ST6GALNAC3: variants seen among roughly 807,000 people sequenced by gnomAD.
ST6GALNAC3 encodes the protein ST6 N-acetylgalactosaminide alpha-2,6-sialyltransferase 3.
Under a neutral mutation model 32.7 loss-of-function variants are expected in ST6GALNAC3, and 25 were observed. The observed-to-expected ratio is 0.76, with a 90% CI of 0.56 to 1.07. The LOEUF is 1.07. Among genes scored for constraint, ST6GALNAC3 ranks in the 50% least tolerant of loss-of-function variants. The probability of loss-of-function intolerance (pLI) is 0.00; values close to 1 mark genes in which losing one functional copy is unlikely to be tolerated. For synonymous variants in ST6GALNAC3, 129 were observed against 133.1 expected (o/e 0.97, Z 0.21); for missense variants, 355 against 382.4 (o/e 0.93, Z 0.60).
rs559733033 is a variant in ST6GALNAC3 at position 76,131,199 on chromosome 1, G to A, written c.18+56315G>A. Among the ~76,000 whole-genome samples, 12 of 152,354 alleles carry A rather than the reference G, an allele frequency of 7.9e-5. No individual in the cohort carries two copies. In the South Asian group the frequency reaches 2.3e-3, roughly 29 times the overall value. ...CAGATGTCCCTGAGAAACTGTACTT[G>A]TTGGGTGGGTCCTTGAATCTTATCT... On this transcript the variant is annotated intron_variant, in intron 1 of 4. Coordinates refer to ENST00000328299, the MANE Select transcript of ST6GALNAC3 (RefSeq NM_152996.4).
chr1:76,284,105 T>G (rs1456310248), intron 1 of ST6GALNAC3, among the ~76,000 whole-genome samples: 1 of 152,222 alleles, frequency 6.6e-6, no homozygotes, highest in Non-Finnish European at 1.5e-5. Context: ...TGCTTTAAAG[T>G]ATTACTACTA....
chr1:76,541,505 G>C (rs1173244303), intron 3 of ST6GALNAC3, among the ~76,000 whole-genome samples: 1 of 152,200 alleles, frequency 6.6e-6, no homozygotes, highest in Non-Finnish European at 1.5e-5. Flanking sequence ...ATTCAAGTAT[G>C]TTATAAACTA....
intron 2 of ST6GALNAC3, among the ~76,000 whole-genome samples, chr1:76,372,145 A>G (rs1650873072): frequency 6.6e-6 from 1 of 152,120 alleles, no homozygotes. Flanking sequence ...TTGTTCCATA[A>G]GTGTACTTTG....
chr1:76,395,309 C>G (rs991231432), intron 2 of ST6GALNAC3, among the ~76,000 whole-genome samples: 5 of 152,100 alleles, frequency 3.3e-5, no homozygotes, highest in Non-Finnish European at 7.4e-5. Context: ...TCCAAAGGTG[C>G]CCTGTCAACC....
intron 3 of ST6GALNAC3, among the ~76,000 whole-genome samples, chr1:76,577,501 T>TA (rs1225459323): frequency 6.6e-6 from 1 of 152,050 alleles, no homozygotes; most frequent in Non-Finnish European, 1.5e-5. Flanking sequence ...AATCATGTCA[T>TA]AAAAACATTC....
intron 1 of ST6GALNAC3, among the ~76,000 whole-genome samples, chr1:76,164,994 A>G (rs1652033617): frequency 6.6e-6 from 1 of 152,186 alleles, no homozygotes. Context: ...TATTTGCTAT[A>G]TAGGTAAACT....
At chr1:76,189,092 T>C (rs1181135301) in intron 1 of ST6GALNAC3, among the ~76,000 whole-genome samples, 1 of 152,136 alleles carries the variant, frequency 6.6e-6, no homozygotes, top group African/African-American at 2.4e-5. Flanking sequence ...CTGGTAGAGT[T>C]GGATGGGGCC....
intron 2 of ST6GALNAC3, among the ~76,000 whole-genome samples, chr1:76,410,789 G>T (rs912443414): frequency 3.3e-5 from 5 of 152,044 alleles, no homozygotes; most frequent in Admixed American, 6.6e-5. Context: ...TAATTCAATT[G>T]CTTTCACTTC....
chr1:76,572,205 G>T (rs1401025309), intron 3 of ST6GALNAC3, among the ~76,000 whole-genome samples: 1 of 151,522 alleles, frequency 6.6e-6, no homozygotes, highest in Non-Finnish European at 1.5e-5. Context: ...CTTTTTTCCT[G>T]CCTATCCTAG....
At chr1:76,089,623 C>T (rs541536996) in intron 1 of ST6GALNAC3, among the ~76,000 whole-genome samples, 2 of 152,216 alleles carry the variant, frequency 1.3e-5, no homozygotes, top group South Asian at 4.1e-4. Flanking sequence ...TTAAATTTTC[C>T]ATTTGATGAA....
In ST6GALNAC3 at chr1:76,473,520, T is replaced by C. The variant is rs145850387; in HGVS notation, c.623+61103T>C. On this transcript the variant is annotated intron_variant, in intron 3 of 4. Coordinates refer to ENST00000328299, the MANE Select transcript of ST6GALNAC3 (RefSeq NM_152996.4). ...TCTTGAGTTATTAAATTATCTTCTGTTTCCTATACATTTGCAGTGCTATTG... is the reference window on the plus strand; with the variant it reads ...TCTTGAGTTATTAAATTATCTTCTGCTTCCTATACATTTGCAGTGCTATTG... Among the ~76,000 whole-genome samples, 825 of 152,294 alleles carry C rather than the reference T, an allele frequency of 5.4e-3. 6 individuals carry two copies. The highest frequency in any genetic ancestry group is 0.019 in the African/African-American group (792 of 41,572).
chr1:76,286,791 G>A (rs757639086), intron 1 of ST6GALNAC3, among the ~76,000 whole-genome samples: 1 of 152,256 alleles, frequency 6.6e-6, no homozygotes, highest in African/African-American at 2.4e-5. Context: ...CTTTGATTGT[G>A]AGTGCACCAG....
chr1:76,283,023 C>A (rs886702865), intron 1 of ST6GALNAC3, among the ~76,000 whole-genome samples: 1 of 151,424 alleles, frequency 6.6e-6, no homozygotes, highest in Middle Eastern at 3.4e-3. Flanking sequence ...CCAGCCTGGG[C>A]GACAGAGCTA....
At chr1:76,410,346 CA>C (rs1654144539) in intron 2 of ST6GALNAC3, among the ~76,000 whole-genome samples, 1 of 152,018 alleles carries the variant, frequency 6.6e-6, no homozygotes, top group African/African-American at 2.4e-5. Context: ...TGCTCATGGC[CA>C]ACTCTTTCAC....
Position 76,380,320 on chromosome 1 carries a change from T to C in ST6GALNAC3, c.214-31688T>C, listed in dbSNP as rs150232403. On this transcript the variant is annotated intron_variant, in intron 2 of 4. Transcript: ENST00000328299. ...AAAAAATGATGGATCAAACCAAGTG[T>C]TGGCCAGGATATGCAGGAATTGAAC... 4.2e-3 allele frequency among the ~76,000 whole-genome samples: 645 copies of C among 152,312 alleles called. 5 individuals are homozygous for C. Among genetic ancestry groups the C allele is most frequent in the Middle Eastern group, 0.034 (10 of 292 alleles).
chr1:76,616,823 G>C (rs958768869), intron 3 of ST6GALNAC3, among the ~76,000 whole-genome samples: 4 of 152,120 alleles, frequency 2.6e-5, no homozygotes, highest in African/African-American at 9.7e-5. Context: ...CCTCCAAGTA[G>C]TTTATTTCCG....
intron 1 of ST6GALNAC3, among the ~76,000 whole-genome samples, chr1:76,114,630 G>T (rs964052517): frequency 1.1e-4 from 16 of 152,190 alleles, no homozygotes; most frequent in African/African-American, 3.9e-4. Flanking sequence ...AAAGGAACAG[G>T]TTGAGGGATG....
chr1:76,365,353 G>C (rs1650285892), intron 2 of ST6GALNAC3, among the ~76,000 whole-genome samples: 1 of 152,166 alleles, frequency 6.6e-6, no homozygotes, highest in Admixed American at 6.6e-5. Context: ...TGTGAGGGTT[G>C]AAAAACTACC....
At chr1:76,159,972 C>T (rs1464789450) in intron 1 of ST6GALNAC3, among the ~76,000 whole-genome samples, 6 of 152,142 alleles carry the variant, frequency 3.9e-5, no homozygotes, top group African/African-American at 1.4e-4. Context: ...AGTTCCAGAG[C>T]CTGCCCTGTT....
Sources: allele counts gnomAD v4.1 joint callset (sites outside exome capture counted in the v4.1 genomes callset), GRCh38; gene constraint gnomAD v4.1.1; transcripts MANE v1.5; gene names NCBI Gene and HGNC (gene_info 2026-07-23, HGNC 2026-07-21).